The following CCDC91 variants were observed in gnomAD, a reference collection of about 807,000 sequenced individuals.
CCDC91 encodes the protein coiled-coil domain containing 91, also known as coiled-coil domain-containing protein 91.
A neutral mutation model predicts 63.2 loss-of-function variants in CCDC91; 48 were observed. That is an observed-to-expected ratio of 0.76 (90% CI 0.60 to 0.97). CCDC91 has a LOEUF of 0.97. Among genes scored for constraint, CCDC91 ranks in the 50% least tolerant of loss-of-function variants. The pLI is 0.00. For missense variants in CCDC91, 500 were observed against 494.6 expected (o/e 1.01, Z -0.10); for synonymous variants, 167 against 165.8 (o/e 1.01, Z -0.06).
chr12:28,244,494 C>CT (rs3064681), intron 1 of CCDC91, among the ~76,000 whole-genome samples: 2,519 of 38,400 alleles, frequency 0.066, 607 homozygotes, highest in East Asian at 0.076. Flanking sequence ...TAGAAGAAGG[C>CT]TTTTTTTTTT....
chr12:28,305,232 C>G lies in CCDC91; in HGVS notation c.110-417C>G, dbSNP rs898746140. On this transcript the variant is annotated intron_variant, in intron 3 of 12. Transcript: ENST00000536442. ...ATTGCTCACTGCTGTCTCTTCAGTC[C>G]CTAATGCCTGTGACTGGCACTGGTA... is the stretch of plus-strand genomic sequence containing the variant. Among the ~76,000 whole-genome samples the G allele has an allele frequency of 5.7e-4, 87 of 151,950 alleles. 1 individual carries two copies. The highest frequency in any genetic ancestry group is 3.4e-3 in the Middle Eastern group (1 of 292).
chr12:28,308,487 G>A (rs1164652113), intron 6 of CCDC91, among the ~76,000 whole-genome samples: 6 of 151,846 alleles, frequency 4.0e-5, no homozygotes, highest in Non-Finnish European at 7.4e-5. Context: ...TAAAACCTTC[G>A]TGGGCTTCTT....
At chr12:28,332,205 G>C (rs1941573123) in intron 6 of CCDC91, among the ~76,000 whole-genome samples, 1 of 152,090 alleles carries the variant, frequency 6.6e-6, no homozygotes. Context: ...AGGTAAATCA[G>C]ATCTGGGACT....
chr12:28,436,516 A>G (rs1415927729), intron 8 of CCDC91, among the ~76,000 whole-genome samples: 1 of 151,864 alleles, frequency 6.6e-6, no homozygotes, highest in Non-Finnish European at 1.5e-5. Context: ...GCAAACTACT[A>G]GATCAATTAA....
intron 6 of CCDC91, among the ~76,000 whole-genome samples, chr12:28,316,571 T>TTC (rs1435585945): frequency 7.0e-6 from 1 of 143,690 alleles, no homozygotes; most frequent in Non-Finnish European, 1.5e-5. Context: ...TTTTTTTTTT[T>TTC]TTTTTTTTTT....
intron 11 of CCDC91, among the ~76,000 whole-genome samples, chr12:28,453,645 T>C (rs1233048564): frequency 1.3e-5 from 2 of 151,988 alleles, no homozygotes; most frequent in Admixed American, 6.6e-5. Context: ...AGCAGATCTT[T>C]TTTTTTCTTG....
chr12:28,396,818 C>T (rs1946325200), intron 8 of CCDC91, among the ~76,000 whole-genome samples: 1 of 152,012 alleles, frequency 6.6e-6, no homozygotes, highest in South Asian at 2.1e-4. Context: ...CAACTTAAGA[C>T]ACGAAGCATG....
chr12:28,237,019 A>G (rs1944993807), intron 1 of CCDC91, among the ~76,000 whole-genome samples: 2 of 152,080 alleles, frequency 1.3e-5, no homozygotes, highest in African/African-American at 4.8e-5. Context: ...TTTTATAGAA[A>G]ATTGTAGGTA....
chr12:28,191,288 A>G (rs1282788600), intron 1 of CCDC91: 1 of 152,220 alleles, frequency 6.6e-6, no homozygotes, highest in Non-Finnish European at 1.5e-5. Flanking sequence ...TTTTGGCTTC[A>G]CTTTAAGGAG....
chr12:28,459,777 C>G (rs1235205434), intron 11 of CCDC91, among the ~76,000 whole-genome samples: 2 of 152,116 alleles, frequency 1.3e-5, no homozygotes, highest in Non-Finnish European at 2.9e-5. Context: ...GTAGTACACT[C>G]TCTCTCACTG....
intron 8 of CCDC91, among the ~76,000 whole-genome samples, chr12:28,399,943 A>G (rs548783850): frequency 6.6e-6 from 1 of 152,290 alleles, no homozygotes; most frequent in South Asian, 2.1e-4. Flanking sequence ...CGCACAGTGT[A>G]AGCTGTTGGT....
At chr12:28,373,397 A>G (rs1203132171) in intron 7 of CCDC91, among the ~76,000 whole-genome samples, 1 of 151,946 alleles carries the variant, frequency 6.6e-6, no homozygotes, top group Non-Finnish European at 1.5e-5. Context: ...TCAGCCATTC[A>G]TATTTTTTCT....
At chr12:28,515,832 G>A (rs1370490957) in intron 12 of CCDC91, among the ~76,000 whole-genome samples, 1 of 151,792 alleles carries the variant, frequency 6.6e-6, no homozygotes, top group African/African-American at 2.4e-5. Context: ...TGTGTAACAA[G>A]GACCCAGGCC....
At chr12:28,463,268 C>T (rs909999446) in intron 11 of CCDC91, among the ~76,000 whole-genome samples, 1 of 152,062 alleles carries the variant, frequency 6.6e-6, no homozygotes, top group Non-Finnish European at 1.5e-5. Context: ...TTTGACAAAT[C>T]GAAATGTTTT....
At chr12:28,507,141 A>G (rs1938828305) in intron 12 of CCDC91, among the ~76,000 whole-genome samples, 1 of 151,968 alleles carries the variant, frequency 6.6e-6, no homozygotes, top group Admixed American at 6.6e-5. Flanking sequence ...TTCTTGGTTT[A>G]TAGAGAAGAG....
At chr12:28,265,879 CGTCT>C (rs1006767094) in intron 3 of CCDC91, among the ~76,000 whole-genome samples, 13 of 151,986 alleles carry the variant, frequency 8.6e-5, no homozygotes, top group Admixed American at 7.2e-4. Context: ...AAAAACTTTC[CGTCT>C]GTCTTTGTAT....
intron 6 of CCDC91, among the ~76,000 whole-genome samples, chr12:28,357,554 C>G (rs537709985): frequency 2.6e-5 from 4 of 151,560 alleles, no homozygotes; most frequent in African/African-American, 9.8e-5. Flanking sequence ...AGAAAACATA[C>G]CTGTTGATGA....
chr12:28,520,665 C>T lies in CCDC91; in HGVS notation c.1216-28398C>T, dbSNP rs889275577. Among the ~76,000 whole-genome samples the T allele has an allele frequency of 1.2e-4, 19 of 152,150 alleles. 1 individual carries two copies. The highest frequency in any genetic ancestry group is 4.6e-4 in the African/African-American group (19 of 41,534). The stretch of plus-strand genomic sequence containing the variant: ...CTTGCCCATGCCTATGTCCTGAATG[C>T]TATTGTCTAGATTTTCTTCTAGGGT... On this transcript the variant is annotated intron_variant, in intron 12 of 12. Coordinates refer to ENST00000536442, the MANE Select transcript of CCDC91 (RefSeq NM_018318.5).
At chr12:28,459,247 G>T (rs1306442594) in intron 11 of CCDC91, among the ~76,000 whole-genome samples, 3 of 152,002 alleles carry the variant, frequency 2.0e-5, no homozygotes, top group Non-Finnish European at 4.4e-5. Context: ...TAAATCAAGT[G>T]CTCCTCTTGA....
Sources: gnomAD v4.1 joint callset for allele counts (sites outside exome capture counted in the v4.1 genomes callset) on GRCh38, gnomAD v4.1.1 for gene constraint, MANE v1.5 for transcripts, NCBI Gene and HGNC (gene_info 2026-07-23, HGNC 2026-07-21) for gene names.